The following MIPOL1 variants were observed in gnomAD, a reference collection of about 807,000 sequenced individuals.
MIPOL1 encodes mirror-image polydactyly gene 1 protein.
A neutral mutation model predicts 60.9 loss-of-function variants in MIPOL1; 57 were observed. The ratio of observed to expected loss-of-function variants is 0.94; its 90% confidence interval spans 0.76 to 1.17. The LOEUF is 1.17. MIPOL1 is among the 50% of genes most tolerant of loss of function. The pLI is 0.00. For missense variants in MIPOL1, 551 were observed against 511.6 expected (o/e 1.08, Z -0.74); for synonymous variants, 179 against 168.8 (o/e 1.06, Z -0.47).
chr14:37,262,702 T>G (rs78320587), intron 3 of MIPOL1, among the ~76,000 whole-genome samples: 1 of 152,176 alleles, frequency 6.6e-6, no homozygotes, highest in South Asian at 2.1e-4. Context: ...TTTATTTGAA[T>G]GTATTTGCCC....
At chr14:37,474,975 A>T (rs539660356) in intron 11 of MIPOL1, among the ~76,000 whole-genome samples, 39 of 149,294 alleles carry the variant, frequency 2.6e-4, no homozygotes, top group African/African-American at 7.4e-4. Context: ...TTTTATTTTT[A>T]TTTTTTTTTG....
chr14:37,501,158 CA>C (rs1203858039), intron 12 of MIPOL1, among the ~76,000 whole-genome samples: 1 of 152,060 alleles, frequency 6.6e-6, no homozygotes, highest in Non-Finnish European at 1.5e-5. Context: ...CTTTACTAGC[CA>C]TGTACCTTGA....
chr14:37,360,192 C>G (rs895357887), intron 9 of MIPOL1, among the ~76,000 whole-genome samples: 3 of 152,000 alleles, frequency 2.0e-5, no homozygotes, highest in Non-Finnish European at 4.4e-5. Context: ...GGCGGATAAG[C>G]TTTTTGATGT....
chr14:37,502,123 T>C (rs898892887), intron 12 of MIPOL1: 1 of 152,268 alleles, frequency 6.6e-6, no homozygotes, highest in Admixed American at 6.5e-5. Flanking sequence ...CCACCGCAGC[T>C]CAGCAAGGCC....
chr14:37,447,417 A>C (rs2094354447), intron 11 of MIPOL1, among the ~76,000 whole-genome samples: 1 of 152,176 alleles, frequency 6.6e-6, no homozygotes, highest in Admixed American at 6.5e-5. Context: ...TTTCAGTGAA[A>C]GATGCCCATC....
At chr14:37,288,422 G>T (rs1245816807) in intron 7 of MIPOL1, among the ~76,000 whole-genome samples, 1 of 152,158 alleles carries the variant, frequency 6.6e-6, no homozygotes, top group East Asian at 1.9e-4. Context: ...GCTATACATT[G>T]TTAAGCTATA....
At chr14:37,209,623 G>T (rs1966620450) in intron 1 of MIPOL1, among the ~76,000 whole-genome samples, 1 of 152,148 alleles carries the variant, frequency 6.6e-6, no homozygotes, top group African/African-American at 2.4e-5. Flanking sequence ...TCACGTCACT[G>T]TACTCCATCC....
At chr14:37,320,348 T>C (rs2088437384) in intron 9 of MIPOL1, among the ~76,000 whole-genome samples, 1 of 152,104 alleles carries the variant, frequency 6.6e-6, no homozygotes, top group African/African-American at 2.4e-5. Context: ...TTCTGATGGG[T>C]GTATAGTCAT....
intron 12 of MIPOL1, among the ~76,000 whole-genome samples, chr14:37,540,404 A>G (rs1408450464): frequency 6.6e-6 from 1 of 152,098 alleles, no homozygotes; most frequent in Non-Finnish European, 1.5e-5. Context: ...TTTATATCGT[A>G]GTGTCTGTAT....
chr14:37,369,036 A>G (rs553300359), intron 9 of MIPOL1, among the ~76,000 whole-genome samples: 30 of 152,072 alleles, frequency 2.0e-4, no homozygotes, highest in South Asian at 1.2e-3. Flanking sequence ...TTTCCCTATA[A>G]AATTGTTTCC....
chr14:37,428,191 TCTGA>T (rs2093998832), intron 11 of MIPOL1, among the ~76,000 whole-genome samples: 1 of 152,192 alleles, frequency 6.6e-6, no homozygotes, highest in South Asian at 2.1e-4. Context: ...AAACTTCAAG[TCTGA>T]CTCTCAACTC....
intron 1 of MIPOL1, among the ~76,000 whole-genome samples, chr14:37,228,335 T>C (rs1377642310): frequency 6.6e-6 from 1 of 150,506 alleles, no homozygotes; most frequent in Non-Finnish European, 1.5e-5. Flanking sequence ...CTTTTTTTTT[T>C]TTTTTTTTTT....
chr14:37,369,668 C>T (rs1395012525), intron 10 of MIPOL1, 44 bp downstream of exon 10: 2 of 1,458,732 alleles, frequency 1.4e-6, no homozygotes, highest in Non-Finnish European at 1.9e-6. Context: ...GGTTGTAAGC[C>T]CTTGGTGCCA....
intron 11 of MIPOL1, among the ~76,000 whole-genome samples, chr14:37,458,445 AG>A (rs2094501297): frequency 6.6e-6 from 1 of 152,228 alleles, no homozygotes; most frequent in African/African-American, 2.4e-5. Flanking sequence ...TAAATTCAAC[AG>A]AATGGACATC....
rs149837539 is a variant in MIPOL1, at chr14:37,331,007, A to G, written c.828+22488A>G. 3.1e-3 allele frequency among the ~76,000 whole-genome samples: 466 copies of G among 151,650 alleles called. 2 individuals are homozygous for G. The highest frequency in any genetic ancestry group is 0.011 in the African/African-American group (444 of 41,368). On this transcript the variant is annotated intron_variant, in intron 9 of 12. Coordinates refer to ENST00000684589, the MANE Select transcript of MIPOL1 (RefSeq NM_001388067.1). ...AAATGAGTGGGTTGTAAATGTGTGG[A>G]TTTATTTCTGGGTTTTCAATTTTGT...
At chr14:37,489,182 G>A (rs1307041660) in intron 11 of MIPOL1, among the ~76,000 whole-genome samples, 1 of 151,866 alleles carries the variant, frequency 6.6e-6, no homozygotes, top group Non-Finnish European at 1.5e-5. Context: ...CTCTAATCTT[G>A]TCGTCACACT....
intron 10 of MIPOL1, among the ~76,000 whole-genome samples, chr14:37,386,633 G>A (rs1308855716): frequency 6.6e-6 from 1 of 151,918 alleles, no homozygotes; most frequent in African/African-American, 2.4e-5. Flanking sequence ...TGAGCTCTAG[G>A]TTAAGAACCT....
chr14:37,351,532 A>G (rs1338973594), intron 9 of MIPOL1, among the ~76,000 whole-genome samples: 3 of 150,816 alleles, frequency 2.0e-5, no homozygotes, highest in African/African-American at 7.3e-5. Flanking sequence ...CCAACAGTGT[A>G]AAAGCGTTCC....
rs543078397 is a variant in MIPOL1 at position 37,444,368 on chromosome 14, A to C, written c.1031+21419A>C. On this transcript the variant is annotated intron_variant, in intron 11 of 12. Transcript: ENST00000684589. Reference sequence around the variant, plus strand: ...CTGAAAACTACAGATTGCTGAAAACAATTATGGAAGACCCATGTAAACGGA... The same window carrying C: ...CTGAAAACTACAGATTGCTGAAAACCATTATGGAAGACCCATGTAAACGGA... Among the ~76,000 whole-genome samples, 19 of 152,312 alleles carry C rather than the reference A, an allele frequency of 1.2e-4. No individual in the cohort carries two copies. The South Asian group carries it at 3.5e-3, about 28-fold the overall frequency.
Sources: allele counts gnomAD v4.1 joint callset (sites outside exome capture counted in the v4.1 genomes callset), GRCh38; gene constraint gnomAD v4.1.1; transcripts MANE v1.5; gene names NCBI Gene and HGNC (gene_info 2026-07-23, HGNC 2026-07-21).